The following GLRA3 variants were observed in gnomAD, a reference collection of about 807,000 sequenced individuals.
The protein encoded by GLRA3 is glycine receptor subunit alpha-3.
In GLRA3, 44 loss-of-function variants were observed where a neutral mutation model predicts 60.4. The observed-to-expected ratio is 0.73, with a 90% CI of 0.57 to 0.94. The LOEUF (loss-of-function observed/expected upper bound fraction) is 0.94, where lower values mean the gene tolerates loss of function less well. Among genes scored for constraint, GLRA3 ranks in the 40% least tolerant of loss-of-function variants. GLRA3 has a pLI of 0.00. For missense variants in GLRA3, 508 were observed against 564.6 expected, an observed-to-expected ratio of 0.90 and a Z score of 1.02; for synonymous variants, 223 against 192.9, an observed-to-expected ratio of 1.16 and a Z score of -1.29.
intron 1 of GLRA3, among the ~76,000 whole-genome samples, chr4:174,825,842 A>G (rs1177951935): frequency 1.3e-5 from 2 of 152,052 alleles, no homozygotes; most frequent in Admixed American, 1.3e-4. Flanking sequence ...TATGTTTTTG[A>G]AAGCACTAAA....
At chr4:174,706,123 G>A (rs1434127427) in intron 5 of GLRA3, among the ~76,000 whole-genome samples, 4 of 152,006 alleles carry the variant, frequency 2.6e-5, no homozygotes, top group Non-Finnish European at 4.4e-5. Flanking sequence ...CCAGCTACTC[G>A]GGAGGCTGAG....
chr4:174,706,938 G>A (rs1473633653), intron 5 of GLRA3, among the ~76,000 whole-genome samples: 1 of 152,180 alleles, frequency 6.6e-6, no homozygotes, highest in Non-Finnish European at 1.5e-5. Flanking sequence ...GTGGTCAGTA[G>A]GAGCCAGAAT....
chr4:174,818,823 T>C (rs955817821), intron 1 of GLRA3, among the ~76,000 whole-genome samples: 22 of 152,178 alleles, frequency 1.4e-4, no homozygotes, highest in African/African-American at 5.3e-4. Flanking sequence ...GAAAAGTCTC[T>C]TGGTATCTTA....
At chr4:174,653,940 G>T (rs2110871737) in intron 9 of GLRA3, among the ~76,000 whole-genome samples, 1 of 152,100 alleles carries the variant, frequency 6.6e-6, no homozygotes, top group South Asian at 2.1e-4. Flanking sequence ...TTGTTTACAG[G>T]GAATAACTGA....
intron 3 of GLRA3, among the ~76,000 whole-genome samples, chr4:174,741,614 A>G (rs981822887): frequency 1.3e-5 from 2 of 151,984 alleles, no homozygotes; most frequent in Non-Finnish European, 2.9e-5. Flanking sequence ...CATTATTTAT[A>G]TTTTTTAAAT....
rs893090396 is a variant in GLRA3 at position 174,644,124 on chromosome 4, A to C, written c.1117-60T>G. ...ATACAATAGAGCATGTATAACAGGC[A>C]TCTCAGAATCATAACCAATTTTATC... On this transcript the variant is annotated intron_variant, in intron 9 of 9. Coordinates refer to ENST00000274093, the MANE Select transcript of GLRA3 (RefSeq NM_006529.4). 4.1e-5 allele frequency: 38 copies of C among 932,446 alleles called. No individual in the cohort carries two copies. The Admixed American group carries it at 4.3e-4, about 11-fold the overall frequency. 57.8% of individuals were successfully genotyped at this position (932,446 alleles called of 1,614,324 possible).
chr4:174,821,982 T>C (rs1740758356), intron 1 of GLRA3, among the ~76,000 whole-genome samples: 1 of 152,188 alleles, frequency 6.6e-6, no homozygotes, highest in Non-Finnish European at 1.5e-5. Flanking sequence ...ATATTATTTG[T>C]TGAGCATGCA....
At chr4:174,648,297 C>G (rs1460585734) in intron 9 of GLRA3, among the ~76,000 whole-genome samples, 1 of 151,750 alleles carries the variant, frequency 6.6e-6, no homozygotes, top group African/African-American at 2.4e-5. Flanking sequence ...CCTGTCTCTA[C>G]TAAAAATACA....
At chr4:174,760,900 T>C (rs1286701437) in intron 3 of GLRA3, among the ~76,000 whole-genome samples, 1 of 152,172 alleles carries the variant, frequency 6.6e-6, no homozygotes, top group East Asian at 1.9e-4. Flanking sequence ...CTTGTCTACA[T>C]ATACAAGCAT....
intron 1 of GLRA3, among the ~76,000 whole-genome samples, chr4:174,800,225 C>A (rs1739752360): frequency 6.6e-6 from 1 of 151,644 alleles, no homozygotes; most frequent in African/African-American, 2.4e-5. Context: ...AGTAAACATG[C>A]AAAAATAAAT....
intron 9 of GLRA3, among the ~76,000 whole-genome samples, chr4:174,649,578 G>A (rs928152697): frequency 2.6e-5 from 4 of 152,120 alleles, no homozygotes; most frequent in African/African-American, 9.7e-5. Context: ...TAAGGGAATG[G>A]CGCAGGGGTG....
rs116597245 is a variant in GLRA3 at position 174,751,954 on chromosome 4, A to G, written c.267+15009T>C. On this transcript the variant is annotated intron_variant, in intron 3 of 9. Transcript: ENST00000274093. ...AAAGTGTCTTTAGGGAGGCATAATGAAAAAAAGTGTTGAGAAACACTGCTT... is the reference window on the plus strand; with the variant it reads ...AAAGTGTCTTTAGGGAGGCATAATGGAAAAAAGTGTTGAGAAACACTGCTT... 4.8e-3 allele frequency among the ~76,000 whole-genome samples: 733 copies of G among 152,228 alleles called. 2 individuals are homozygous for G. Among genetic ancestry groups the G allele is most frequent in the African/African-American group, 0.017 (705 of 41,544 alleles).
chr4:174,751,057 G>A (rs201916497), intron 3 of GLRA3, among the ~76,000 whole-genome samples: 7,055 of 142,084 alleles, frequency 0.05, 344 homozygotes, highest in East Asian at 0.28. Context: ...AAGCCTGTCT[G>A]TCTGTCTATC....
chr4:174,764,396 G>A (rs1738057095), intron 3 of GLRA3, among the ~76,000 whole-genome samples: 1 of 152,002 alleles, frequency 6.6e-6, no homozygotes, highest in African/African-American at 2.4e-5. Context: ...GGATAATTAC[G>A]TAGTTTTATT....
chr4:174,675,448 C>T (rs781747489), intron 7 of GLRA3, among the ~76,000 whole-genome samples: 4 of 152,094 alleles, frequency 2.6e-5, no homozygotes, highest in Admixed American at 6.6e-5. Context: ...TGTATCTAAA[C>T]GTCTTTCTGT....
At chr4:174,693,275 G>A (rs1036277724) in intron 5 of GLRA3, among the ~76,000 whole-genome samples, 4 of 152,094 alleles carry the variant, frequency 2.6e-5, no homozygotes, top group Admixed American at 6.5e-5. Flanking sequence ...ATCTTCTAGA[G>A]TTTTTACAGT....
Position 174,638,019 on chromosome 4 carries a change from C to G in GLRA3, c.*5767G>C, listed in dbSNP as rs1561025409. 5.3e-5 allele frequency: 8 copies of G among 152,232 alleles called. No individual in the cohort carries two copies. In the South Asian group the frequency reaches 1.7e-3, roughly 32 times the overall value. The allele number at this position is 152,232 out of a possible 1,614,324, so 9.4% of individuals were successfully genotyped here. A position where few individuals can be genotyped will look rare whatever the true frequency, so the allele number is the denominator to read the frequency against. ...GGGGTTGATTGAACTTAAACACAGA[C>G]AGCAGAAATGTGAAAATATATGCTA... On this transcript the variant is annotated 3_prime_UTR_variant, in exon 10 of 10. Transcript: ENST00000274093.
chr4:174,711,871 C>G (rs1735731796), intron 5 of GLRA3, among the ~76,000 whole-genome samples: 1 of 151,988 alleles, frequency 6.6e-6, no homozygotes, highest in Non-Finnish European at 1.5e-5. Flanking sequence ...TTTTTCTTTA[C>G]CAAATTTTTT....
intron 4 of GLRA3, among the ~76,000 whole-genome samples, chr4:174,717,058 T>A (rs1169232127): frequency 2.0e-5 from 3 of 149,032 alleles, no homozygotes; most frequent in African/African-American, 2.5e-5. Flanking sequence ...ATATATATAT[T>A]TTAAATTAGC....
Sources: gnomAD v4.1 joint callset for allele counts (sites outside exome capture counted in the v4.1 genomes callset) on GRCh38, gnomAD v4.1.1 for gene constraint, MANE v1.5 for transcripts, NCBI Gene and HGNC (gene_info 2026-07-23, HGNC 2026-07-21) for gene names.